The following SLC25A26 variants were observed in gnomAD, a reference collection of about 807,000 sequenced individuals.
SLC25A26 encodes the protein solute carrier family 25 member 26, also known as mitochondrial S-adenosylmethionine carrier protein.
A neutral mutation model predicts 37.8 loss-of-function variants in SLC25A26; 36 were observed. The ratio of observed to expected loss-of-function variants is 0.95; its 90% confidence interval spans 0.73 to 1.26. The LOEUF (loss-of-function observed/expected upper bound fraction) is 1.26. SLC25A26 is among the 50% of genes most tolerant of loss of function. The pLI, the probability that SLC25A26 is intolerant of heterozygous loss-of-function variation, is 0.00. For synonymous variants in SLC25A26, 129 were observed against 122.5 expected (o/e 1.05, Z -0.35); for missense variants, 390 against 331.1 (o/e 1.18, Z -1.38).
intron 4 of SLC25A26, 73 bp from the exon 5 acceptor site, chr3:66,263,259 T>G: frequency 9.8e-7 from 1 of 1,018,906 alleles, no homozygotes; most frequent in Non-Finnish European, 1.5e-6. Context: ...AGCAGGTAGA[T>G]CTGCTGTATA....
intron 5 of SLC25A26, among the ~76,000 whole-genome samples, chr3:66,314,191 T>C (rs539008276): frequency 3.9e-5 from 6 of 152,352 alleles, no homozygotes; most frequent in Admixed American, 6.5e-5. Context: ...ATCCTTCTCT[T>C]GTGCTGGTTT....
chr3:66,347,689 G>T (rs539871475), intron 6 of SLC25A26, among the ~76,000 whole-genome samples: 8 of 152,132 alleles, frequency 5.3e-5, no homozygotes, highest in Non-Finnish European at 1.2e-4. Context: ...ATTCATTGCA[G>T]CACTATTTAT....
At chr3:66,316,082 G>A (rs757859227) in intron 5 of SLC25A26, among the ~76,000 whole-genome samples, 15 of 152,196 alleles carry the variant, frequency 9.9e-5, no homozygotes, top group South Asian at 2.1e-4. Context: ...GCCATTCTGT[G>A]CCTTTTAATT....
At chr3:66,165,998 A>G (rs1442982594) in intron 1 of SLC25A26, among the ~76,000 whole-genome samples, 1 of 151,936 alleles carries the variant, frequency 6.6e-6, no homozygotes, top group Non-Finnish European at 1.5e-5. Context: ...GCATCCAGAA[A>G]TATATTCTCT....
At chr3:66,296,023 A>C (rs761969811) in intron 5 of SLC25A26, among the ~76,000 whole-genome samples, 12 of 151,960 alleles carry the variant, frequency 7.9e-5, no homozygotes, top group South Asian at 2.1e-4. Context: ...AGGCTGAGGC[A>C]GGAGAATAGC....
intron 5 of SLC25A26, among the ~76,000 whole-genome samples, chr3:66,276,615 G>C (rs1350878022): frequency 7.7e-6 from 1 of 129,796 alleles, no homozygotes; most frequent in East Asian, 2.0e-4. Flanking sequence ...AAAATGTTTT[G>C]ACTGATTGTA....
intron 5 of SLC25A26, among the ~76,000 whole-genome samples, chr3:66,301,357 G>A (rs760436970): frequency 3.9e-5 from 6 of 152,218 alleles, no homozygotes; most frequent in African/African-American, 7.2e-5. Context: ...GCCACAGTGT[G>A]TAGGACAAGT....
chr3:66,305,686 T>C (rs2075200180), intron 5 of SLC25A26, among the ~76,000 whole-genome samples: 1 of 152,182 alleles, frequency 6.6e-6, no homozygotes, highest in Non-Finnish European at 1.5e-5. Flanking sequence ...ATTGTTCACT[T>C]ACAAGTGAGA....
In SLC25A26 at chr3:66,370,539, G is replaced by T; in HGVS notation, c.644G>T (p.Ser215Ile). Residue 215 changes from serine to isoleucine, a missense_variant, in exon 9 of 10, where the codon AGC (serine) becomes ATC (isoleucine). Coordinates refer to ENST00000354883, the MANE Select transcript of SLC25A26 (RefSeq NM_001379210.1). ...TGTCTGTTCACACAGGCTGGCTCCA[G>T]CACTGCTGATGGGAATGTGCTCTCT... ...TRITLAKAGSSTADGNVLSVL... is the reference protein window; with the variant it reads ...TRITLAKAGSITADGNVLSVL... The T allele has an allele frequency of 6.2e-7, 1 of 1,613,846 alleles. No homozygotes were observed. Among genetic ancestry groups the T allele is most frequent in the Non-Finnish European group, 8.5e-7 (1 of 1,179,834 alleles).
chr3:66,138,498 A>C (rs2069982358), intron 1 of SLC25A26, among the ~76,000 whole-genome samples: 1 of 151,076 alleles, frequency 6.6e-6, no homozygotes, highest in Non-Finnish European at 1.5e-5. Context: ...AAATCCATCC[A>C]GCATGATTTT....
intron 3 of SLC25A26, among the ~76,000 whole-genome samples, chr3:66,246,041 C>A (rs1444191660): frequency 2.6e-5 from 4 of 152,200 alleles, no homozygotes; most frequent in Non-Finnish European, 4.4e-5. Flanking sequence ...CTATTTTGGA[C>A]ATTTGATATA....
chr3:66,302,320 A>G (rs762347355), intron 5 of SLC25A26, among the ~76,000 whole-genome samples: 1 of 152,112 alleles, frequency 6.6e-6, no homozygotes, highest in Non-Finnish European at 1.5e-5. Flanking sequence ...TTCATATACA[A>G]CTCCAGTTAT....
intron 1 of SLC25A26, among the ~76,000 whole-genome samples, chr3:66,146,501 A>G (rs1433770784): frequency 6.6e-6 from 1 of 151,884 alleles, no homozygotes; most frequent in Non-Finnish European, 1.5e-5. Flanking sequence ...CTTTTTTTAT[A>G]TTTTCATATT....
chr3:66,293,257 T>G (rs561264979), intron 5 of SLC25A26: 1 of 152,240 alleles, frequency 6.6e-6, no homozygotes, highest in Admixed American at 6.5e-5. Context: ...CTTAACTGCC[T>G]TTAAGGAGTA....
intron 5 of SLC25A26, among the ~76,000 whole-genome samples, chr3:66,342,138 T>C (rs528410703): frequency 6.6e-6 from 1 of 152,330 alleles, no homozygotes; most frequent in Non-Finnish European, 1.5e-5. Context: ...GAATCACCTG[T>C]AGATCTCTTG....
At chr3:66,167,694 T>C (rs943480878) in intron 1 of SLC25A26, among the ~76,000 whole-genome samples, 4 of 152,196 alleles carry the variant, frequency 2.6e-5, no homozygotes, top group African/African-American at 4.8e-5. Flanking sequence ...TAATAAATAT[T>C]ATTTCATTCA....
chr3:66,375,234 C>T (rs1009158260), intron 9 of SLC25A26, among the ~76,000 whole-genome samples: 14 of 152,274 alleles, frequency 9.2e-5, no homozygotes, highest in Admixed American at 8.5e-4. Flanking sequence ...GAGGTTGATT[C>T]ATGAAGTTTA....
At chr3:66,354,457 G>A (rs1049952353) in intron 6 of SLC25A26, among the ~76,000 whole-genome samples, 1 of 152,110 alleles carries the variant, frequency 6.6e-6, no homozygotes, top group East Asian at 1.9e-4. Flanking sequence ...ATAGTTCAAT[G>A]TATATAATAA....
chr3:66,177,751 A>G (rs913999013), intron 1 of SLC25A26, among the ~76,000 whole-genome samples: 1 of 152,236 alleles, frequency 6.6e-6, no homozygotes, highest in African/African-American at 2.4e-5. Context: ...CTTTTTAGAT[A>G]TGAAGTAGGA....
Sources: gnomAD v4.1 joint callset for allele counts (sites outside exome capture counted in the v4.1 genomes callset) on GRCh38, gnomAD v4.1.1 for gene constraint, MANE v1.5 for transcripts, NCBI Gene and HGNC (gene_info 2026-07-23, HGNC 2026-07-21) for gene names.